Variants in MFSD12 observed in about 807,000 individuals in gnomAD.
MFSD12 encodes major facilitator superfamily domain-containing protein 12.
MFSD12 carries 67 observed loss-of-function variants against 51.2 expected under a neutral mutation model. The observed-to-expected ratio is 1.31, with a 90% CI of 1.08 to 1.60. The LOEUF (loss-of-function observed/expected upper bound fraction) is 1.60, where lower values mean the gene tolerates loss of function less well. MFSD12 is among the 40% of genes most tolerant of loss of function. The pLI is 0.00. For missense variants in MFSD12, 921 were observed against 673.0 expected, an observed-to-expected ratio of 1.37 and a Z score of -4.08; for synonymous variants, 441 against 316.7, an observed-to-expected ratio of 1.39 and a Z score of -4.17.
intron 1 of MFSD12, among the ~76,000 whole-genome samples, chr19:3,556,457 G>A (rs984927216): frequency 1.3e-5 from 2 of 152,208 alleles, no homozygotes; most frequent in Admixed American, 1.3e-4. Context: ...GGGACAGACA[G>A]AGGGGATACG....
intron 1 of MFSD12, among the ~76,000 whole-genome samples, chr19:3,552,478 T>C (rs1312082532): frequency 8.7e-6 from 1 of 114,570 alleles, no homozygotes; most frequent in African/African-American, 3.5e-5. Flanking sequence ...TTTTTTTTTT[T>C]TTTTTTTTTT....
In MFSD12 at chr19:3,557,447, G is replaced by A. The variant is rs2031794913; in HGVS notation, c.-44C>T. On this transcript the variant is annotated 5_prime_UTR_variant, in exon 1 of 10. Transcript: ENST00000355415. ...CCCCCCACCCCCGGGCTCCGCGGAG[G>A]GTACCCTGGCCAGGCCTTCTTGGGT... 23 of 1,168,266 alleles carry A rather than the reference G, an allele frequency of 2.0e-5. No individual in the cohort carries two copies. In the East Asian group the frequency reaches 3.7e-4, roughly 19 times the overall value. 72.4% of individuals were successfully genotyped at this position (1,168,266 alleles called of 1,614,324 possible). A position where few individuals can be genotyped will look rare whatever the true frequency, so the allele number is the denominator to read the frequency against.
rs1230937461 is a variant in MFSD12, at chr19:3,544,454, C to A, written c.*256G>T. ...ACTTCCTGTTCCCTGCCGAGAGGGG[C>A]ACCCCAAATCCTCCAGAGGGCTGGG... is the stretch of plus-strand genomic sequence containing the variant. On this transcript the variant is annotated 3_prime_UTR_variant, in exon 10 of 10. Coordinates refer to ENST00000355415, the MANE Select transcript of MFSD12 (RefSeq NM_174983.5). 3.0e-6 allele frequency: 4 copies of A among 1,343,284 alleles called. No individual in the cohort carries two copies. Among genetic ancestry groups the A allele is most frequent in the South Asian group, 4.3e-5 (2 of 46,150 alleles). 83.2% of individuals were successfully genotyped at this position (1,343,284 alleles called of 1,614,324 possible).
intron 2 of MFSD12, among the ~76,000 whole-genome samples, chr19:3,550,274 T>TGTG (rs1254722769): frequency 6.6e-6 from 1 of 151,094 alleles, no homozygotes; most frequent in Non-Finnish European, 1.5e-5. Context: ...GATGGCTGAG[T>TGTG]GTGGTGGCTC....
intron 8 of MFSD12, among the ~76,000 whole-genome samples, chr19:3,545,717 G>A (rs972542356): frequency 6.6e-6 from 1 of 152,222 alleles, no homozygotes; most frequent in Non-Finnish European, 1.5e-5. Flanking sequence ...TCCAGGCCCT[G>A]GGCCTCTACA....
downstream of MFSD12, chr19:3,542,200 C>T (rs1362944412): frequency 3.0e-6 from 3 of 985,386 alleles, no homozygotes; most frequent in African/African-American, 3.5e-5. Context: ...TTGAAATTGC[C>T]TTTCTAGTGG....
chr19:3,547,462 A>C lies in MFSD12; in HGVS notation c.923T>G (p.Leu308Arg). The change falls in exon 5 of 10, where the codon CTG becomes CGG. Residue 308 changes from leucine to arginine, a missense_variant. Coordinates refer to ENST00000355415, the MANE Select transcript of MFSD12 (RefSeq NM_174983.5). ...MAMYLTYSLH[L>R]PKKFIATIPL... ...CCGCCCCAATCTGCTCACCTTGGGC[A>C]GGTGGAGCGAGTAGGTGAGGTACAT... is the stretch of plus-strand genomic sequence containing the variant. 1 of 1,612,994 alleles carries C rather than the reference A, an allele frequency of 6.2e-7. No homozygotes were observed. The highest frequency in any genetic ancestry group is 8.5e-7 in the Non-Finnish European group (1 of 1,179,878).
chr19:3,549,137 C>T (rs962432100), intron 2 of MFSD12, among the ~76,000 whole-genome samples: 5 of 152,174 alleles, frequency 3.3e-5, no homozygotes, highest in African/African-American at 4.8e-5. Flanking sequence ...GCCAGGCACA[C>T]GGCAGGTGCT....
At chr19:3,539,322 A>G, downstream of MFSD12, 2 of 852,614 alleles carry the variant, frequency 2.3e-6, no homozygotes, top group Non-Finnish European at 3.4e-6. Context: ...CCTGGGTGTC[A>G]GGTTACATGG....
Position 3,547,315 on chromosome 19 carries a change from G to A in MFSD12, c.980C>T (p.Ser327Phe), listed in dbSNP as rs558048226. Residue 327 changes from serine to phenylalanine, a missense_variant, in exon 6 of 10, where the codon TCC becomes TTC. Physicochemically the swap from Ser to Phe is radical, Grantham distance 155. Coordinates refer to ENST00000355415, the MANE Select transcript of MFSD12 (RefSeq NM_174983.5). Reference protein sequence around the residue: ...PLVMYLSGFLSSFLMKPINKC... With the variant: ...PLVMYLSGFLFSFLMKPINKC... ...GTTGATGGGCTTCATGAGGAAGGAG[G>A]ACAAGAAGCCGCTGAGGTACATCAC... is the stretch of plus-strand genomic sequence containing the variant. The A allele has an allele frequency of 4.0e-5, 64 of 1,613,310 alleles. No homozygotes were observed. The highest frequency in any genetic ancestry group is 3.3e-4 in the Middle Eastern group (2 of 6,060).
chr19:3,546,438 C>T lies in MFSD12; in HGVS notation c.1024-13G>A. On this transcript the variant is annotated splice_polypyrimidine_tract_variant and intron_variant, in intron 6 of 9. Transcript: ENST00000355415. ...AGAAGTAGGTCATCTGCAGGGACAG[C>T]CCCGGGGTCAGGCCCACACCACTGG... is the stretch of plus-strand genomic sequence containing the variant. 4.4e-6 allele frequency: 7 copies of T among 1,596,876 alleles called. No homozygotes were observed. Among genetic ancestry groups the T allele is most frequent in the Non-Finnish European group, 6.0e-6 (7 of 1,172,620 alleles).
chr19:3,543,549 C>G, downstream of MFSD12: 1 of 1,533,880 alleles, frequency 6.5e-7, no homozygotes, highest in Non-Finnish European at 8.8e-7. Flanking sequence ...CCCCGCCCCA[C>G]CGCAGCCTAC....
downstream of MFSD12, chr19:3,541,769 G>A (rs1005079501): frequency 2.0e-6 from 2 of 985,278 alleles, no homozygotes; most frequent in Non-Finnish European, 2.4e-6. Flanking sequence ...GGGGCCGACA[G>A]CAGGGGTGAG....
At chr19:3,541,816 T>G, downstream of MFSD12, 2 of 983,512 alleles carry the variant, frequency 2.0e-6, no homozygotes, top group South Asian at 9.4e-5. Flanking sequence ...CTGTGCTGTT[T>G]TGTTTGTGTT....
chr19:3,550,742 A>G (rs777685273), intron 2 of MFSD12, among the ~76,000 whole-genome samples: 6 of 151,806 alleles, frequency 4.0e-5, no homozygotes, highest in Non-Finnish European at 5.9e-5. Flanking sequence ...AGTCCCAGCT[A>G]CTCAGGAGGC....
rs1455389167 is a variant in MFSD12, at chr19:3,552,188, G to A, written c.299-994C>T. 2.0e-5 allele frequency among the ~76,000 whole-genome samples: 3 copies of A among 147,562 alleles called. No individual in the cohort carries two copies. The East Asian group carries it at 6.0e-4, about 29-fold the overall frequency. ...AATATCTATTTTTTTTTTTTTTTTAGACAGAGTCTTGCTCTGTCGCCCAGG... is the reference window on the plus strand; with the variant it reads ...AATATCTATTTTTTTTTTTTTTTTAAACAGAGTCTTGCTCTGTCGCCCAGG... On this transcript the variant is annotated intron_variant, in intron 1 of 9. Coordinates refer to ENST00000355415, the MANE Select transcript of MFSD12 (RefSeq NM_174983.5).
At chr19:3,553,754 CAATG>C (rs2031598838) in intron 1 of MFSD12, among the ~76,000 whole-genome samples, 1 of 73,522 alleles carries the variant, frequency 1.4e-5, no homozygotes. Context: ...AAAAAAAAAA[CAATG>C]AAAAGAAATG....
downstream of MFSD12, chr19:3,544,037 G>A: frequency 6.6e-7 from 1 of 1,509,676 alleles, no homozygotes; most frequent in Non-Finnish European, 8.9e-7. Flanking sequence ...TGCACCCACT[G>A]TCTCTGCACC....
downstream of MFSD12, chr19:3,539,441 T>TG (rs1282069305): frequency 7.0e-5 from 41 of 586,856 alleles, no homozygotes; most frequent in Middle Eastern, 1.3e-3. Context: ...CCGCTCACTG[T>TG]GGGGGCTACA....
Sources: gnomAD v4.1 joint callset for allele counts (sites outside exome capture counted in the v4.1 genomes callset) on GRCh38, gnomAD v4.1.1 for gene constraint, MANE v1.5 for transcripts, NCBI Gene and HGNC (gene_info 2026-07-23, HGNC 2026-07-21) for gene names.